The following ZEB1 variants were observed in gnomAD, a reference collection of about 807,000 sequenced individuals.
ZEB1 encodes zinc finger E-box-binding homeobox 1.
ZEB1 carries 21 observed loss-of-function variants against 84.9 expected under a neutral mutation model. The observed-to-expected ratio is 0.25, with a 90% CI of 0.18 to 0.36. The LOEUF is 0.36. Among genes scored for constraint, ZEB1 ranks in the 10% least tolerant of loss-of-function variants. The pLI, the probability that ZEB1 is intolerant of heterozygous loss-of-function variation, is 1.00. For synonymous variants in ZEB1, 420 were observed against 471.1 expected (o/e 0.89, Z 1.41); for missense variants, 1,104 against 1,330.2 (o/e 0.83, Z 2.65).
intron 1 of ZEB1, among the ~76,000 whole-genome samples, chr10:31,357,426 C>T (rs1409800030): frequency 2.0e-5 from 3 of 152,100 alleles, no homozygotes; most frequent in Non-Finnish European, 2.9e-5. Flanking sequence ...GGAGCAAAAT[C>T]AGGCTATAAG....
At chr10:31,443,077 T>A (rs1315184647) in intron 1 of ZEB1, among the ~76,000 whole-genome samples, 1 of 152,012 alleles carries the variant, frequency 6.6e-6, no homozygotes, top group African/African-American at 2.4e-5. Context: ...AAGTTGAGAG[T>A]GTACGTGAGA....
intron 1 of ZEB1, among the ~76,000 whole-genome samples, chr10:31,388,948 A>G (rs1239510528): frequency 2.0e-5 from 3 of 152,130 alleles, no homozygotes; most frequent in Non-Finnish European, 4.4e-5. Context: ...AAATACTTGT[A>G]ATCTAAGAAG....
chr10:31,352,649 G>A (rs1195147280), intron 1 of ZEB1, among the ~76,000 whole-genome samples: 1 of 152,148 alleles, frequency 6.6e-6, no homozygotes, highest in Non-Finnish European at 1.5e-5. Context: ...AGCACAGTTG[G>A]GGGTGGCCTG....
chr10:31,475,587 G>T (rs1397717271), intron 2 of ZEB1, among the ~76,000 whole-genome samples: 1 of 152,084 alleles, frequency 6.6e-6, no homozygotes, highest in Non-Finnish European at 1.5e-5. Flanking sequence ...TCAACCTAAT[G>T]GTAGACATCT....
intron 1 of ZEB1, among the ~76,000 whole-genome samples, chr10:31,332,570 T>C (rs2037025290): frequency 6.6e-6 from 1 of 152,222 alleles, no homozygotes. Context: ...ATAAATAAAA[T>C]AAAACTTTAT....
rs2060604220 is a variant in ZEB1 at position 31,451,845 on chromosome 10, A to G, written c.59-9192A>G. Among the ~76,000 whole-genome samples, 2 of 152,158 alleles carry G rather than the reference A, an allele frequency of 1.3e-5. 1 individual carries two copies. Among genetic ancestry groups the G allele is most frequent in the South Asian group, 4.1e-4 (2 of 4,832 alleles). On this transcript the variant is annotated intron_variant, in intron 1 of 8. Transcript: ENST00000424869. Reference sequence around the variant, plus strand: ...ACAGGATCTGTGGAGGAAGAGAGAAAGGCCAGAACAAGAACTGAGAGAGTA... The same window carrying G: ...ACAGGATCTGTGGAGGAAGAGAGAAGGGCCAGAACAAGAACTGAGAGAGTA...
At chr10:31,335,799 A>G (rs186647904) in intron 1 of ZEB1, among the ~76,000 whole-genome samples, 1 of 152,294 alleles carries the variant, frequency 6.6e-6, no homozygotes, top group African/African-American at 2.4e-5. Context: ...AGATACAATG[A>G]TTAGAAAGAA....
intron 2 of ZEB1, among the ~76,000 whole-genome samples, chr10:31,463,586 A>G (rs1006271639): frequency 2.6e-5 from 4 of 152,186 alleles, no homozygotes; most frequent in African/African-American, 4.8e-5. Context: ...AACTAAAAGC[A>G]AACCATTTTC....
intron 1 of ZEB1, among the ~76,000 whole-genome samples, chr10:31,337,266 A>G (rs1392477079): frequency 1.3e-5 from 2 of 152,188 alleles, no homozygotes; most frequent in Non-Finnish European, 2.9e-5. Flanking sequence ...GGATACCAAT[A>G]CACATAATAC....
chr10:31,382,034 ACAAAGT>A (rs2047778468), intron 1 of ZEB1, among the ~76,000 whole-genome samples: 1 of 145,704 alleles, frequency 6.9e-6, no homozygotes, highest in African/African-American at 2.7e-5. Context: ...AAAAAAAAAA[ACAAAGT>A]AAATTTCCCT....
chr10:31,502,587 C>A, intron 4 of ZEB1, 78 bp downstream of exon 4: 1 of 1,582,144 alleles, frequency 6.3e-7, no homozygotes, highest in Non-Finnish European at 8.7e-7. Flanking sequence ...TGGGAACCTG[C>A]TCTACTATAG....
At chr10:31,409,031 A>T (rs1327680623) in intron 1 of ZEB1, among the ~76,000 whole-genome samples, 3 of 152,164 alleles carry the variant, frequency 2.0e-5, no homozygotes, top group East Asian at 1.9e-4. Context: ...TCTACAATGA[A>T]CTCAAATAAA....
At chr10:31,379,310 C>T (rs1254377326) in intron 1 of ZEB1, among the ~76,000 whole-genome samples, 1 of 151,920 alleles carries the variant, frequency 6.6e-6, no homozygotes, top group East Asian at 1.9e-4. Flanking sequence ...CATAAACTGT[C>T]ATCTCTTTTG....
intron 1 of ZEB1, among the ~76,000 whole-genome samples, chr10:31,414,644 T>G (rs192617666): frequency 4.9e-4 from 75 of 152,310 alleles, no homozygotes; most frequent in Middle Eastern, 6.8e-3. Flanking sequence ...ATTTTAGAGG[T>G]TGTGAGTTGA....
chr10:31,390,723 A>C (rs994182973), intron 1 of ZEB1, among the ~76,000 whole-genome samples: 3 of 152,158 alleles, frequency 2.0e-5, no homozygotes, highest in Non-Finnish European at 4.4e-5. Flanking sequence ...AAGGCTACTG[A>C]ATGCAGGGAT....
At chr10:31,335,317 A>G (rs2037786327) in intron 1 of ZEB1, among the ~76,000 whole-genome samples, 1 of 152,098 alleles carries the variant, frequency 6.6e-6, no homozygotes. Context: ...AAAAAAAAAC[A>G]TAGTATTTAT....
chr10:31,357,445 G>T (rs1293143548), intron 1 of ZEB1, among the ~76,000 whole-genome samples: 1 of 152,076 alleles, frequency 6.6e-6, no homozygotes, highest in African/African-American at 2.4e-5. Context: ...AGAACATAGC[G>T]ATCTGAGTAC....
intron 1 of ZEB1, chr10:31,360,859 G>A (rs944714267): frequency 1.1e-6 from 1 of 937,804 alleles, no homozygotes; most frequent in South Asian, 1.3e-5. Context: ...GCATTTACTA[G>A]TGCCACAGTA....
chr10:31,524,203 T>A, intron 8 of ZEB1, 90 bp downstream of exon 8: 6 of 231,160 alleles, frequency 2.6e-5, no homozygotes, highest in South Asian at 1.0e-4. Flanking sequence ...ATTTTCTTTC[T>A]TTTTTTTTTT....
Sources: gnomAD v4.1 joint callset for allele counts (sites outside exome capture counted in the v4.1 genomes callset) on GRCh38, gnomAD v4.1.1 for gene constraint, MANE v1.5 for transcripts, NCBI Gene and HGNC (gene_info 2026-07-23, HGNC 2026-07-21) for gene names.